The following KALRN variants were observed in gnomAD, a reference collection of about 807,000 sequenced individuals.
The protein encoded by KALRN is kalirin RhoGEF kinase, also known as kalirin.
In KALRN, 70 loss-of-function variants were observed where a neutral mutation model predicts 353.7. That is an observed-to-expected ratio of 0.20 (90% CI 0.16 to 0.24). The LOEUF (loss-of-function observed/expected upper bound fraction) is 0.24, where lower values mean the gene tolerates loss of function less well. Ranked by LOEUF, KALRN falls within the 10% of genes least tolerant of loss-of-function variation. KALRN has a pLI of 1.00. For synonymous variants in KALRN, 1,391 were observed against 1,434.8 expected, an observed-to-expected ratio of 0.97 and a Z score of 0.69; for missense variants, 2,791 against 3,756.7, an observed-to-expected ratio of 0.74 and a Z score of 6.72.
At chr3:124,456,492 C>CA (rs1161789777) in intron 22 of KALRN, 118 bp from the exon 23 acceptor site, 1 of 629,850 alleles carries the variant, frequency 1.6e-6, no homozygotes, top group Non-Finnish European at 2.9e-6. Flanking sequence ...TAAGATCCCT[C>CA]ATGTTTTTAT....
chr3:124,043,886 A>T (rs187255346), intron 1 of KALRN, among the ~76,000 whole-genome samples: 18 of 152,210 alleles, frequency 1.2e-4, no homozygotes, highest in Admixed American at 1.2e-3. Flanking sequence ...CGGGGAAAGA[A>T]GTAAGTGAGG....
chr3:124,207,529 A>G (rs1272279677), intron 1 of KALRN, among the ~76,000 whole-genome samples: 1 of 152,154 alleles, frequency 6.6e-6, no homozygotes, highest in Non-Finnish European at 1.5e-5. Flanking sequence ...GAAGTTCTGG[A>G]TATGTCCTAT....
chr3:124,699,290 G>A (rs756807730), intron 55 of KALRN, among the ~76,000 whole-genome samples: 1 of 152,106 alleles, frequency 6.6e-6, no homozygotes, highest in Non-Finnish European at 1.5e-5. Flanking sequence ...GTTCTCTTGG[G>A]CAAATTGTTC....
At chr3:124,130,668 G>A (rs906173987) in intron 1 of KALRN, among the ~76,000 whole-genome samples, 2 of 151,988 alleles carry the variant, frequency 1.3e-5, no homozygotes, top group South Asian at 4.2e-4. Context: ...AAAAACAAAA[G>A]CATGTACAAG....
chr3:124,096,530 A>G (rs1160194241), intron 1 of KALRN: 3 of 152,228 alleles, frequency 2.0e-5, no homozygotes, highest in Admixed American at 6.5e-5. Flanking sequence ...GATGCTAATT[A>G]TAAGAAGAAA....
chr3:124,471,966 CAAA>C (rs34537933), intron 25 of KALRN, among the ~76,000 whole-genome samples: 6 of 110,830 alleles, frequency 5.4e-5, no homozygotes, highest in African/African-American at 3.8e-5. Context: ...GACTCCGTCT[CAAA>C]AAAAAAAAAA....
chr3:124,216,391 C>T (rs556572591), intron 1 of KALRN, among the ~76,000 whole-genome samples: 6 of 152,126 alleles, frequency 3.9e-5, no homozygotes, highest in South Asian at 2.1e-4. Context: ...TGGTTCTCAA[C>T]GATTTAGGGT....
At chr3:124,594,669 C>T (rs1354005315) in intron 34 of KALRN, among the ~76,000 whole-genome samples, 1 of 152,146 alleles carries the variant, frequency 6.6e-6, no homozygotes, top group African/African-American at 2.4e-5. Context: ...TAGATCTTTC[C>T]AGGATCAGAT....
At chr3:124,330,552 T>G (rs947515651) in intron 8 of KALRN, among the ~76,000 whole-genome samples, 2 of 152,278 alleles carry the variant, frequency 1.3e-5, no homozygotes, top group Admixed American at 1.3e-4. Context: ...GGACAAAGAC[T>G]CTTCCATTGA....
intron 1 of KALRN, among the ~76,000 whole-genome samples, chr3:124,169,480 C>G (rs1396995610): frequency 6.6e-6 from 1 of 152,108 alleles, no homozygotes; most frequent in East Asian, 1.9e-4. Flanking sequence ...GCTGTGGGCT[C>G]TAGCTGCATA....
chr3:124,195,238 C>A (rs1022931286), intron 1 of KALRN, among the ~76,000 whole-genome samples: 1 of 152,124 alleles, frequency 6.6e-6, no homozygotes, highest in African/African-American at 2.4e-5. Context: ...TGGGGGCTTG[C>A]CAGACCTCAC....
chr3:124,564,194 A>G (rs1444906733), intron 34 of KALRN, among the ~76,000 whole-genome samples: 15 of 125,218 alleles, frequency 1.2e-4, no homozygotes, highest in Admixed American at 1.2e-3. Context: ...GACAGAGCGA[A>G]ACTCCGTCTC....
At chr3:124,388,797 C>T (rs1037159397) in intron 11 of KALRN, among the ~76,000 whole-genome samples, 3 of 152,154 alleles carry the variant, frequency 2.0e-5, no homozygotes, top group African/African-American at 7.2e-5. Flanking sequence ...TGAATGGTCT[C>T]ATGGAAGAAC....
intron 1 of KALRN, among the ~76,000 whole-genome samples, chr3:124,124,903 A>T (rs928525370): frequency 2.0e-5 from 3 of 152,218 alleles, no homozygotes; most frequent in African/African-American, 4.8e-5. Context: ...AAAACAAAAA[A>T]TTCATGTGAC....
chr3:124,633,775 A>G (rs1393365290), intron 35 of KALRN, 77 bp from the exon 36 acceptor site: 17 of 1,239,600 alleles, frequency 1.4e-5, no homozygotes, highest in Non-Finnish European at 1.6e-5. Context: ...CCTATGTATT[A>G]TTTTTGTTAA....
At chr3:124,138,728 T>C (rs912360181) in intron 1 of KALRN, among the ~76,000 whole-genome samples, 1 of 152,142 alleles carries the variant, frequency 6.6e-6, no homozygotes, top group Non-Finnish European at 1.5e-5. Flanking sequence ...AGGGGGCCTG[T>C]ATGGCAGAGT....
At chr3:124,442,381 C>T (rs911452340) in intron 19 of KALRN, among the ~76,000 whole-genome samples, 1 of 152,164 alleles carries the variant, frequency 6.6e-6, no homozygotes, top group African/African-American at 2.4e-5. Flanking sequence ...AGCTACTGAG[C>T]TAGTGCAACT....
chr3:124,520,349 CAAATCTCA>C (rs2067060780), intron 33 of KALRN, among the ~76,000 whole-genome samples: 1 of 152,122 alleles, frequency 6.6e-6, no homozygotes, highest in South Asian at 2.1e-4. Flanking sequence ...TAGCAATTTA[CAAATCTCA>C]AAATCTCATT....
At position 124,049,235 on chromosome 3, in the gene KALRN, T is replaced by A. The variant is rs1163524530; in HGVS notation, c.73+15422T>A. On this transcript the variant is annotated intron_variant, in intron 1 of 59. Transcript: ENST00000682506. ...AGTTAATTCCAATACCACAGTTAGC[T>A]ATGGCAGCACTTTAGATTGTGTATG... 2.0e-5 allele frequency among the ~76,000 whole-genome samples: 3 copies of A among 152,336 alleles called. No homozygotes were observed. In the East Asian group the frequency reaches 5.8e-4, roughly 29 times the overall value.
Sources: allele counts gnomAD v4.1 joint callset (sites outside exome capture counted in the v4.1 genomes callset), GRCh38; gene constraint gnomAD v4.1.1; transcripts MANE v1.5; gene names NCBI Gene and HGNC (gene_info 2026-07-23, HGNC 2026-07-21).